GNAT3: variants seen among roughly 807,000 people sequenced by gnomAD.
GNAT3 encodes guanine nucleotide-binding protein G(t) subunit alpha-3.
GNAT3 carries 31 observed loss-of-function variants against 37.7 expected under a neutral mutation model. That is an observed-to-expected ratio of 0.82 (90% CI 0.62 to 1.11). The LOEUF is 1.11. Ranked by LOEUF, GNAT3 falls within the 50% of genes most tolerant of loss-of-function variation. The pLI is 0.00. For missense variants in GNAT3, 437 were observed against 412.5 expected (o/e 1.06, Z -0.51); for synonymous variants, 138 against 139.8 (o/e 0.99, Z 0.09).
At position 80,467,897 on chromosome 7, in the gene GNAT3, G is replaced by A. The variant is rs1188560289; in HGVS notation, c.591-5266C>T. On this transcript the variant is annotated intron_variant, in intron 5 of 7. Transcript: ENST00000398291. ...TCCACGATGTTACATGGAACTTACA[G>A]TCCTCATTTGGGATTTTGTGTGGGG... is the stretch of plus-strand genomic sequence containing the variant. 2.6e-5 allele frequency among the ~76,000 whole-genome samples: 4 copies of A among 151,740 alleles called. No individual in the cohort carries two copies. In the East Asian group the frequency reaches 7.7e-4, roughly 29 times the overall value.
chr7:80,465,712 A>C (rs1256812059), intron 5 of GNAT3, among the ~76,000 whole-genome samples: 1 of 152,120 alleles, frequency 6.6e-6, no homozygotes, highest in East Asian at 1.9e-4. Flanking sequence ...TCCTTCTCCC[A>C]GGCCAGGCAG....
chr7:80,506,534 G>T (rs533540499), intron 1 of GNAT3, among the ~76,000 whole-genome samples: 1 of 152,210 alleles, frequency 6.6e-6, no homozygotes, highest in East Asian at 1.9e-4. Flanking sequence ...TAAATATTTG[G>T]CAACTTTTCT....
chr7:80,486,383 GT>G (rs1197418219), intron 3 of GNAT3: 1 of 150,560 alleles, frequency 6.6e-6, no homozygotes, highest in Non-Finnish European at 1.5e-5. Flanking sequence ...AATGTGTAGA[GT>G]TTATTATTTT....
Position 80,483,763 on chromosome 7 carries a change from C to T in GNAT3, c.304-4765G>A, listed in dbSNP as rs550877606. 1.2e-3 allele frequency among the ~76,000 whole-genome samples: 185 copies of T among 152,152 alleles called. 1 individual carries two copies. The highest frequency in any genetic ancestry group is 4.1e-3 in the African/African-American group (172 of 41,544). Reference sequence around the variant, plus strand: ...CTTCGGTGGTTCACTTCCTTTTTCACTCAAGTCTCTTCCCAATACCACCTC... The same window carrying T: ...CTTCGGTGGTTCACTTCCTTTTTCATTCAAGTCTCTTCCCAATACCACCTC... On this transcript the variant is annotated intron_variant, in intron 3 of 7. Coordinates refer to ENST00000398291, the MANE Select transcript of GNAT3 (RefSeq NM_001102386.3).
chr7:80,497,572 A>ACATATACGTATATACATATACGTATATG (rs1562732674), intron 1 of GNAT3, among the ~76,000 whole-genome samples: 4 of 135,554 alleles, frequency 3.0e-5, no homozygotes, highest in Non-Finnish European at 6.3e-5. Flanking sequence ...ATACGTATAT[A>ACATATACGTATATACATATACGTATATG]CATATACGTA....
At chr7:80,474,012 C>G (rs1790262396) in intron 5 of GNAT3, among the ~76,000 whole-genome samples, 1 of 151,932 alleles carries the variant, frequency 6.6e-6, no homozygotes, top group Admixed American at 6.6e-5. Context: ...AAATCTAGTC[C>G]CCACCTGCTC....
At chr7:80,480,001 C>T (rs1790366880) in intron 3 of GNAT3, among the ~76,000 whole-genome samples, 4 of 152,012 alleles carry the variant, frequency 2.6e-5, no homozygotes, top group Admixed American at 2.6e-4. Context: ...TGGAGGTTAC[C>T]AGCAAAGAAG....
At chr7:80,466,090 G>C (rs1011870308) in intron 5 of GNAT3, among the ~76,000 whole-genome samples, 5 of 151,964 alleles carry the variant, frequency 3.3e-5, no homozygotes, top group Admixed American at 6.6e-5. Flanking sequence ...CCCACCTCAG[G>C]GGGGGAAAAT....
At chr7:80,469,145 A>G (rs1307063218) in intron 5 of GNAT3, among the ~76,000 whole-genome samples, 1 of 152,148 alleles carries the variant, frequency 6.6e-6, no homozygotes, top group Non-Finnish European at 1.5e-5. Context: ...CGATATACAC[A>G]ATTCAACGTC....
At chr7:80,461,425 A>G (rs924213544) in intron 7 of GNAT3, among the ~76,000 whole-genome samples, 1 of 152,014 alleles carries the variant, frequency 6.6e-6, no homozygotes, top group African/African-American at 2.4e-5. Context: ...GGCGTGCACC[A>G]GTCGTCCCAG....
chr7:80,491,696 C>T (rs1051786130), intron 2 of GNAT3, among the ~76,000 whole-genome samples: 3 of 152,120 alleles, frequency 2.0e-5, no homozygotes, highest in Admixed American at 6.5e-5. Context: ...AATGGCTATT[C>T]GAAGATGACA....
At chr7:80,468,009 A>T (rs1296769427) in intron 5 of GNAT3, among the ~76,000 whole-genome samples, 1 of 151,936 alleles carries the variant, frequency 6.6e-6, no homozygotes, top group Admixed American at 6.6e-5. Flanking sequence ...TGGACTTCTT[A>T]AAGTTAAAAA....
chr7:80,506,053 T>C (rs910760732), intron 1 of GNAT3, among the ~76,000 whole-genome samples: 5 of 152,226 alleles, frequency 3.3e-5, no homozygotes, highest in Non-Finnish European at 7.3e-5. Context: ...CACTATGAAA[T>C]GTGTTTTGCT....
chr7:80,500,890 T>G (rs568119150), intron 1 of GNAT3, among the ~76,000 whole-genome samples: 2 of 151,972 alleles, frequency 1.3e-5, no homozygotes, highest in Admixed American at 1.3e-4. Flanking sequence ...CCCCCAAAAG[T>G]CCCCCCAACC....
At chr7:80,498,158 G>T (rs952148559) in intron 1 of GNAT3, among the ~76,000 whole-genome samples, 1 of 152,010 alleles carries the variant, frequency 6.6e-6, no homozygotes, top group Non-Finnish European at 1.5e-5. Flanking sequence ...CATTCAGAAT[G>T]GTCTTCTGTA....
intron 2 of GNAT3, 105 bp downstream of exon 2, chr7:80,494,500 T>C (rs1274933763): frequency 4.5e-6 from 3 of 666,402 alleles, no homozygotes; most frequent in African/African-American, 3.7e-5. Context: ...ATCCATGATT[T>C]AGAAAAGATT....
chr7:80,506,579 G>A (rs1221894348), intron 1 of GNAT3, among the ~76,000 whole-genome samples: 3 of 152,138 alleles, frequency 2.0e-5, no homozygotes, highest in Non-Finnish European at 2.9e-5. Context: ...TCAAGTTGTT[G>A]TAGCCCTTTG....
At chr7:80,491,536 C>T (rs750043711) in intron 2 of GNAT3, among the ~76,000 whole-genome samples, 2 of 152,074 alleles carry the variant, frequency 1.3e-5, no homozygotes, top group Non-Finnish European at 2.9e-5. Flanking sequence ...GAGACACTAA[C>T]ATTTTAAATG....
chr7:80,472,133 T>A (rs1790231502), intron 5 of GNAT3, among the ~76,000 whole-genome samples: 1 of 151,856 alleles, frequency 6.6e-6, no homozygotes, highest in Admixed American at 6.6e-5. Context: ...ATATTGATAA[T>A]TTTTTTTAAA....
Sources: allele counts gnomAD v4.1 joint callset (sites outside exome capture counted in the v4.1 genomes callset), GRCh38; gene constraint gnomAD v4.1.1; transcripts MANE v1.5; gene names NCBI Gene and HGNC (gene_info 2026-07-23, HGNC 2026-07-21).